The following TRANK1 variants were observed in gnomAD, a reference collection of about 807,000 sequenced individuals.
The protein encoded by TRANK1 is tetratricopeptide repeat and ankyrin repeat containing 1.
In TRANK1, 198 loss-of-function variants were observed where a neutral mutation model predicts 266.0. The ratio of observed to expected loss-of-function variants is 0.74; its 90% confidence interval spans 0.66 to 0.84. TRANK1 has a LOEUF of 0.84. Ranked by LOEUF, TRANK1 falls within the 40% of genes least tolerant of loss-of-function variation. TRANK1 has a pLI of 0.00. For missense variants in TRANK1, 3,326 were observed against 3,634.6 expected (o/e 0.92, Z 2.18); for synonymous variants, 1,396 against 1,384.1 (o/e 1.01, Z -0.19).
Position 36,842,638 on chromosome 3 carries a change from T to C in TRANK1, c.5264A>G (p.Lys1755Arg). Residue 1755 changes from lysine to arginine, a missense_variant, in exon 18 of 24, where the codon AAG becomes AGG. Lys to Arg is a conservative substitution (Grantham distance 26, BLOSUM62 2). Transcript: ENST00000645898. Reference protein sequence around the residue: ...EWIAQGDYYAKHQCWKVAAKC... With the variant: ...EWIAQGDYYARHQCWKVAAKC... ...ACCCCTTACCTTCCAGCACTGGTGCTTGGCGTAGTAATCTCCCTGTGCAAT... is the reference window on the plus strand; with the variant it reads ...ACCCCTTACCTTCCAGCACTGGTGCCTGGCGTAGTAATCTCCCTGTGCAAT... 6.2e-7 allele frequency: 1 copy of C among 1,613,958 alleles called. No individual in the cohort carries two copies. Among genetic ancestry groups the C allele is most frequent in the Non-Finnish European group, 8.5e-7 (1 of 1,179,878 alleles).
At chr3:36,934,260 C>T (rs1181324952) in intron 1 of TRANK1, among the ~76,000 whole-genome samples, 1 of 152,144 alleles carries the variant, frequency 6.6e-6, no homozygotes, top group African/African-American at 2.4e-5. Context: ...GCCTTACTTC[C>T]TACCCTGAGA....
chr3:36,894,653 G>A (rs1244582974), intron 5 of TRANK1, among the ~76,000 whole-genome samples: 1 of 152,176 alleles, frequency 6.6e-6, no homozygotes, highest in African/African-American at 2.4e-5. Flanking sequence ...GTCAGTGCAT[G>A]ACAAGAGAGC....
intron 20 of TRANK1, among the ~76,000 whole-genome samples, chr3:36,837,875 G>T (rs912819648): frequency 1.3e-5 from 2 of 152,150 alleles, no homozygotes; most frequent in Non-Finnish European, 2.9e-5. Context: ...GACTGAGGAT[G>T]TGAATTTTTA....
At chr3:36,863,357 T>C (rs1368456117) in intron 10 of TRANK1, among the ~76,000 whole-genome samples, 2 of 152,216 alleles carry the variant, frequency 1.3e-5, no homozygotes, top group African/African-American at 4.8e-5. Context: ...GAGGACAGTC[T>C]TCATGGGCCA....
chr3:36,855,807 ATCC>A lies in TRANK1; in HGVS notation c.3912_3914del (p.Glu1304del). The A allele has an allele frequency of 1.2e-6, 2 of 1,613,482 alleles. No homozygotes were observed. Among genetic ancestry groups the A allele is most frequent in the South Asian group, 2.2e-5 (2 of 91,060 alleles). On this transcript the variant is annotated inframe_deletion, in exon 13 of 24. Coordinates refer to ENST00000645898, the MANE Select transcript of TRANK1 (RefSeq NM_001329998.2). ...CACCCGTACGCATTTCTACAGCTTT[ATCC>A]TCCTCACTGTAGTCCCCATCCACCT... is the stretch of plus-strand genomic sequence containing the variant.
At chr3:36,834,669 C>G (rs930380789) in intron 21 of TRANK1, 93 bp downstream of exon 21, 32 of 1,434,896 alleles carry the variant, frequency 2.2e-5, no homozygotes, top group Non-Finnish European at 3.0e-5. Flanking sequence ...CAAACCATGT[C>G]AGAAGCAGCA....
At position 36,856,308 on chromosome 3, in the gene TRANK1, G is replaced by C. The variant is rs771880408; in HGVS notation, c.3414C>G (p.Asp1138Glu). 15 of 1,579,618 alleles carry C rather than the reference G, an allele frequency of 9.5e-6. 1 individual carries two copies. The East Asian group carries it at 3.3e-4, about 35-fold the overall frequency. Residue 1138 changes from aspartate (D) to glutamate (E), a missense_variant, in exon 13 of 24, where the codon GAC (aspartate) becomes GAG (glutamate). Transcript: ENST00000645898. Reference protein sequence around the residue: ...PGGEEEEEEEDEEEEDSIEVE... With the variant: ...PGGEEEEEEEEEEEEDSIEVE... ...CTTCAATAGAATCTTCCTCTTCCTCGTCCTCTTCCTCCTCCTCTTCCTCCC... is the reference window on the plus strand; with the variant it reads ...CTTCAATAGAATCTTCCTCTTCCTCCTCCTCTTCCTCCTCCTCTTCCTCCC...
intron 1 of TRANK1, among the ~76,000 whole-genome samples, chr3:36,922,963 C>T (rs1241757860): frequency 6.6e-6 from 1 of 152,118 alleles, no homozygotes; most frequent in East Asian, 1.9e-4. Context: ...AACTATAAGT[C>T]TGTCTTTCTT....
At chr3:36,871,408 A>T (rs561164452) in intron 9 of TRANK1, among the ~76,000 whole-genome samples, 6 of 152,090 alleles carry the variant, frequency 3.9e-5, no homozygotes, top group Non-Finnish European at 5.9e-5. Flanking sequence ...TATATATCAA[A>T]CAAGTCAGCC....
chr3:36,883,145 A>C (rs11921747), intron 8 of TRANK1, among the ~76,000 whole-genome samples: 49,743 of 151,668 alleles, frequency 0.33, 9,072 homozygotes, highest in East Asian at 0.56. Context: ...ACATACTCTC[A>C]GTGAAAAAAA....
chr3:36,834,973 T>C (rs960662863), intron 20 of TRANK1, 66 bp from the exon 21 acceptor site: 8 of 1,396,070 alleles, frequency 5.7e-6, no homozygotes, highest in Non-Finnish European at 7.7e-6. Context: ...CTTAAACCAA[T>C]ACCACAAGTA....
chr3:36,921,905 G>C (rs1057158702), intron 1 of TRANK1, among the ~76,000 whole-genome samples: 2 of 152,142 alleles, frequency 1.3e-5, no homozygotes, highest in Non-Finnish European at 2.9e-5. Flanking sequence ...ACTTTAGAAG[G>C]CTGGGCTGGG....
intron 9 of TRANK1, among the ~76,000 whole-genome samples, chr3:36,866,414 T>C (rs1017950280): frequency 6.6e-6 from 1 of 152,170 alleles, no homozygotes; most frequent in African/African-American, 2.4e-5. Flanking sequence ...AGACACCAGA[T>C]TTGTCCACAA....
chr3:36,858,917 C>T (rs1219237910), intron 11 of TRANK1, 23 bp from the exon 12 acceptor site: 48 of 1,521,056 alleles, frequency 3.2e-5, no homozygotes, highest in Non-Finnish European at 4.2e-5. Flanking sequence ...AGAAGGGAAG[C>T]GCAATGTGAG....
At chr3:36,843,170 C>T (rs191614042) in intron 17 of TRANK1, among the ~76,000 whole-genome samples, 423 of 152,294 alleles carry the variant, frequency 2.8e-3, no homozygotes, top group African/African-American at 9.5e-3. Context: ...TCAGAGCAGA[C>T]TGACCTGTGT....
intron 8 of TRANK1, among the ~76,000 whole-genome samples, chr3:36,875,007 C>T (rs77088387): frequency 6.7e-6 from 1 of 148,584 alleles, no homozygotes; most frequent in Non-Finnish European, 1.5e-5. Context: ...TCCCACTTTA[C>T]CAAAAAAAAA....
At chr3:36,893,184 T>C (rs1197919295) in intron 5 of TRANK1, among the ~76,000 whole-genome samples, 200 bp from the exon 6 acceptor site, 1 of 152,084 alleles carries the variant, frequency 6.6e-6, no homozygotes, top group African/African-American at 2.4e-5. Flanking sequence ...TTCCTGTTCC[T>C]GCTGAGGACT....
At chr3:36,922,681 C>G (rs1231477087) in intron 1 of TRANK1, among the ~76,000 whole-genome samples, 1 of 151,600 alleles carries the variant, frequency 6.6e-6, no homozygotes. Context: ...GAGGCTGAGG[C>G]AGGAGAATCG....
rs2078728436 is a variant in TRANK1, at chr3:36,833,601, C to T, written c.5982G>A (p.Gly1994=). The part of the protein sequence containing the change: ...DKDFQASCLL[G]AARLNVARDS... ...CCCTGGCCACATTGAGGCGGGCGGC[C>T]CCCAGCAGACATGAGGCCTGGAAGT... The change falls in exon 22 of 24, where the codon GGG becomes GGA. Residue 1994 remains glycine, a synonymous_variant. Transcript: ENST00000645898. 1 of 1,613,800 alleles carries T rather than the reference C, an allele frequency of 6.2e-7. No homozygotes were observed. The highest frequency in any genetic ancestry group is 8.5e-7 in the Non-Finnish European group (1 of 1,179,880).
Sources: gnomAD v4.1 joint callset for allele counts (sites outside exome capture counted in the v4.1 genomes callset) on GRCh38, gnomAD v4.1.1 for gene constraint, MANE v1.5 for transcripts, NCBI Gene and HGNC (gene_info 2026-07-23, HGNC 2026-07-21) for gene names.